The following NCOR2 variants were observed in gnomAD, a reference collection of about 807,000 sequenced individuals.
The protein encoded by NCOR2 is nuclear receptor corepressor 2.
In NCOR2, 81 loss-of-function variants were observed where a neutral mutation model predicts 262.9. The observed-to-expected ratio is 0.31, with a 90% CI of 0.26 to 0.37. The LOEUF is 0.37. NCOR2 is among the 10% of genes least tolerant of loss of function. NCOR2 has a pLI of 1.00. For synonymous variants in NCOR2, 1,659 were observed against 1,559.3 expected, an observed-to-expected ratio of 1.06 and a Z score of -1.51; for missense variants, 3,385 against 3,621.4, an observed-to-expected ratio of 0.93 and a Z score of 1.68.
At chr12:124,391,503 G>A (rs924250165) in intron 16 of NCOR2, among the ~76,000 whole-genome samples, 6 of 8,288 alleles carry the variant, frequency 7.2e-4, no homozygotes, top group Non-Finnish European at 2.4e-3. Context: ...AAGCCCTGGC[G>A]GGGGGGGGGT....
chr12:124,555,502 C>T (rs945210593), intron 1 of NCOR2, among the ~76,000 whole-genome samples: 4 of 152,182 alleles, frequency 2.6e-5, no homozygotes, highest in African/African-American at 9.7e-5. Flanking sequence ...CACAGCAGTC[C>T]CCCCAAGCGT....
chr12:124,354,517 G>A (rs778988037), exon 26 of NCOR2: 1 of 1,594,408 alleles, frequency 6.3e-7, no homozygotes, highest in South Asian at 1.1e-5. Flanking sequence ...GGCACCCCCA[G>A]GCTCTCCGGT....
chr12:124,475,116 G>GT (rs1291121227), intron 3 of NCOR2, among the ~76,000 whole-genome samples: 1 of 152,144 alleles, frequency 6.6e-6, no homozygotes, highest in Non-Finnish European at 1.5e-5. Flanking sequence ...TCTGGCCTCT[G>GT]TTACCATGTG....
intron 16 of NCOR2, among the ~76,000 whole-genome samples, chr12:124,396,767 T>C (rs2041692805): frequency 6.6e-6 from 1 of 152,088 alleles, no homozygotes; most frequent in Non-Finnish European, 1.5e-5. Flanking sequence ...TTCTCAGGGC[T>C]GTGGGGACCC....
chr12:124,485,052 T>A (rs1483234639), intron 2 of NCOR2, among the ~76,000 whole-genome samples: 1 of 152,126 alleles, frequency 6.6e-6, no homozygotes, highest in Non-Finnish European at 1.5e-5. Context: ...GACATCCCCC[T>A]CTTCAAGGCC....
intron 13 of NCOR2, among the ~76,000 whole-genome samples, chr12:124,416,820 C>T (rs926983671): frequency 6.6e-6 from 1 of 150,474 alleles, no homozygotes; most frequent in Non-Finnish European, 1.5e-5. Flanking sequence ...ACAGATAGAC[C>T]CCGCGGCACA....
intron 7 of NCOR2, among the ~76,000 whole-genome samples, chr12:124,449,362 C>T (rs2045381807): frequency 6.6e-6 from 1 of 152,204 alleles, no homozygotes; most frequent in Admixed American, 6.5e-5. Flanking sequence ...GCCAGAGGGA[C>T]CTCTCTGTGC....
intron 28 of NCOR2, 116 bp from the exon 31 acceptor site, chr12:124,348,430 C>A: frequency 7.3e-7 from 1 of 1,372,884 alleles, no homozygotes; most frequent in Admixed American, 2.7e-5. Flanking sequence ...ATGCTGGCCC[C>A]GTCACAAAGC....
rs993022495 is a variant in NCOR2, at chr12:124,517,887, G to C, written c.-118+17678C>G. On this transcript the variant is annotated intron_variant, in intron 1 of 46. Coordinates refer to the NCOR2 transcript ENST00000404621. The surrounding 1 kb of genome is among the most constrained non-coding windows in gnomAD (Gnocchi z 7.6). ...CTGAGCTCAGGGCCGACAACACTGC[G>C]CTGCCAGGGGAGGGTCCAGCTGCCC... Among the ~76,000 whole-genome samples the C allele has an allele frequency of 6.6e-6, 1 of 152,166 alleles. No homozygotes were observed. Among genetic ancestry groups the C allele is most frequent in the Non-Finnish European group, 1.5e-5 (1 of 68,020 alleles).
At chr12:124,339,905 A>AC in intron 37 of NCOR2, 101 bp downstream of exon 39, 5 of 163,602 alleles carry the variant, frequency 3.1e-5, no homozygotes, top group South Asian at 7.8e-5. Flanking sequence ...CCACCCACCC[A>AC]CCTCCCATAT....
chr12:124,368,128 T>A (rs2039189843), intron 20 of NCOR2, among the ~76,000 whole-genome samples: 1 of 152,210 alleles, frequency 6.6e-6, no homozygotes, highest in East Asian at 1.9e-4. Flanking sequence ...GTGCCTCGGT[T>A]TCTCAATCTG....
intron 5 of NCOR2, among the ~76,000 whole-genome samples, chr12:124,458,989 G>A (rs2046025599): frequency 6.6e-6 from 1 of 152,162 alleles, no homozygotes. Flanking sequence ...GGAGAGACAT[G>A]GAATGAATGA....
intron 7 of NCOR2, among the ~76,000 whole-genome samples, chr12:124,441,770 A>T (rs915423633): frequency 6.6e-6 from 1 of 152,220 alleles, no homozygotes; most frequent in Non-Finnish European, 1.5e-5. Context: ...CAAAGGAGGG[A>T]TAACTCTAAG....
At chr12:124,426,476 G>A (rs1190474045) in intron 11 of NCOR2, 146 bp downstream of exon 13, 3 of 747,604 alleles carry the variant, frequency 4.0e-6, no homozygotes, top group Non-Finnish European at 5.8e-6. Flanking sequence ...TGGACTTCCG[G>A]CCTCCACAAC....
At chr12:124,392,840 G>A (rs1252386143) in intron 16 of NCOR2, among the ~76,000 whole-genome samples, 1 of 152,236 alleles carries the variant, frequency 6.6e-6, no homozygotes, top group Non-Finnish European at 1.5e-5. Flanking sequence ...TTCCTGCCTC[G>A]CTCCTGTGAG....
At chr12:124,497,008 G>A (rs904165147), upstream of NCOR2, among the ~76,000 whole-genome samples, 3 of 152,230 alleles carry the variant, frequency 2.0e-5, no homozygotes, top group Non-Finnish European at 1.5e-5. This position sits in a 1 kb window ranked among gnomAD's most constrained non-coding sequence, Gnocchi z 4.2. Context: ...GCGAAAGGGC[G>A]GTAAGAGCAG....
chr12:124,457,311 G>A lies in NCOR2; in HGVS notation c.706-149C>T. Reference sequence around the variant, plus strand: ...GGGGGAGGGAGGCCCGGGGCCCCCTGCAGGCCCTCCCCACGCTGGAAAAAA... The same window carrying A: ...GGGGGAGGGAGGCCCGGGGCCCCCTACAGGCCCTCCCCACGCTGGAAAAAA... On this transcript the variant is annotated intron_variant, in intron 5 of 46. Coordinates refer to ENST00000405201, the Ensembl canonical transcript of NCOR2. The surrounding 1 kb of genome is among the most constrained non-coding windows in gnomAD (Gnocchi z 4.0). 1.3e-6 allele frequency: 1 copy of A among 781,152 alleles called. No homozygotes were observed. Among genetic ancestry groups the A allele is most frequent in the Non-Finnish European group, 1.9e-6 (1 of 514,678 alleles). The allele number at this position is 781,152 out of a possible 1,614,324, so 48.4% of individuals were successfully genotyped here.
At chr12:124,502,765 GTC>G (rs916828443) in intron 1 of NCOR2, among the ~76,000 whole-genome samples, 7 of 152,182 alleles carry the variant, frequency 4.6e-5, no homozygotes, top group Admixed American at 4.6e-4. Context: ...TGCCTCTGGC[GTC>G]TCTGTGTTCA....
intron 22 of NCOR2, among the ~76,000 whole-genome samples, chr12:124,360,823 G>GC (rs35361917): frequency 0.8 from 121,917 of 151,996 alleles, 49,866 homozygotes; most frequent in East Asian, 0.97. Context: ...TCCCGGAGCC[G>GC]CTCTTCACTC....
Sources: gnomAD v4.1 joint callset for allele counts (sites outside exome capture counted in the v4.1 genomes callset) on GRCh38, gnomAD v4.1.1 for gene constraint, Gnocchi (gnomAD v3.1) non-coding constraint, MANE v1.5 for transcripts, NCBI Gene and HGNC (gene_info 2026-07-23, HGNC 2026-07-21) for gene names.